Variants in CLECL1 observed in about 807,000 individuals in gnomAD.
The protein encoded by CLECL1 is C-type lectin like 1.
downstream of CLECL1, among the ~76,000 whole-genome samples, chr12:9,711,943 T>C (rs1308552554): frequency 6.6e-6 from 1 of 152,222 alleles, no homozygotes; most frequent in African/African-American, 2.4e-5. Flanking sequence ...CTTTACTTCA[T>C]GCAAGCTTCT....
downstream of CLECL1, among the ~76,000 whole-genome samples, chr12:9,715,126 A>G (rs190805538): frequency 1.3e-5 from 2 of 152,070 alleles, no homozygotes; most frequent in Admixed American, 6.6e-5. Context: ...GATCTTTTTT[A>G]TCTTCTTTCT....
the CLECL1 span, among the ~76,000 whole-genome samples, chr12:9,710,340 A>G: frequency 1.3e-5 from 2 of 152,314 alleles, no homozygotes; most frequent in South Asian, 4.1e-4. Context: ...AGCATCCGAC[A>G]GCAGTTTACC....
intron 3 of CLECL1, among the ~76,000 whole-genome samples, chr12:9,723,188 A>G (rs987138800): frequency 2.6e-5 from 4 of 152,222 alleles, no homozygotes; most frequent in African/African-American, 9.7e-5. Flanking sequence ...CACATCAGAA[A>G]TGTTGGGAGT....
chr12:9,711,124 A>G (rs925375290), downstream of CLECL1, among the ~76,000 whole-genome samples: 7 of 152,072 alleles, frequency 4.6e-5, no homozygotes, highest in Middle Eastern at 3.2e-3. Flanking sequence ...ACCCCTAGAC[A>G]TTGCTGTGGG....
downstream of CLECL1, among the ~76,000 whole-genome samples, chr12:9,722,200 A>C (rs1866321662): frequency 6.6e-6 from 1 of 152,254 alleles, no homozygotes; most frequent in Non-Finnish European, 1.5e-5. Context: ...AAATTAAGGC[A>C]GAGTTAGCTA....
chr12:9,724,673 C>T (rs932774733), intron 3 of CLECL1, among the ~76,000 whole-genome samples: 4 of 152,078 alleles, frequency 2.6e-5, no homozygotes, highest in African/African-American at 9.7e-5. Context: ...GGATAATTTT[C>T]AGATCCTCAA....
chr12:9,726,796 G>A (rs549777485), intron 3 of CLECL1, among the ~76,000 whole-genome samples: 57 of 151,816 alleles, frequency 3.8e-4, no homozygotes, highest in Non-Finnish European at 6.9e-4. Context: ...CAGGTATAAG[G>A]ATTACAAGAA....
intron 3 of CLECL1, among the ~76,000 whole-genome samples, chr12:9,724,792 A>T (rs1020855446): frequency 1.3e-5 from 2 of 152,140 alleles, no homozygotes; most frequent in Non-Finnish European, 2.9e-5. Context: ...AATAATTGAA[A>T]TTTTTTCCAA....
chr12:9,732,051 G>C (rs1259950247), intron 1 of CLECL1, among the ~76,000 whole-genome samples: 2 of 152,148 alleles, frequency 1.3e-5, no homozygotes, highest in East Asian at 3.8e-4. Context: ...GGGTAAAATA[G>C]AGAGGTAAGG....
chr12:9,703,883 C>T, the CLECL1 span, among the ~76,000 whole-genome samples: 5 of 151,944 alleles, frequency 3.3e-5, no homozygotes, highest in African/African-American at 4.8e-5. Flanking sequence ...ATTTTATTGA[C>T]TTGCGTATTC....
At chr12:9,722,860 C>G in intron 3 of CLECL1, 47 bp from the exon 2 acceptor site, 1 of 1,405,240 alleles carries the variant, frequency 7.1e-7, no homozygotes, top group Non-Finnish European at 9.8e-7. Context: ...AAAACTGTAT[C>G]CTAATAATGT....
At chr12:9,716,641 A>C in exon 3 of CLECL1, 1 of 386,688 alleles carries the variant, frequency 2.6e-6, no homozygotes, top group Non-Finnish European at 3.9e-6. Context: ...ATATCAAACA[A>C]GAGCTTTGTT....
intron 3 of CLECL1, among the ~76,000 whole-genome samples, chr12:9,726,685 TAGGAG>T (rs1480436018): frequency 1.3e-5 from 2 of 151,960 alleles, no homozygotes; most frequent in Non-Finnish European, 2.9e-5. Flanking sequence ...AGTAGAACCT[TAGGAG>T]AGGTAACTTA....
At chr12:9,718,897 T>C (rs1463100892), downstream of CLECL1, 1 of 585,342 alleles carries the variant, frequency 1.7e-6, no homozygotes, top group Non-Finnish European at 3.0e-6. Context: ...TCTGTGATAC[T>C]TTATTGAAAC....
the CLECL1 span, among the ~76,000 whole-genome samples, chr12:9,704,932 T>C: frequency 9.3e-3 from 1,415 of 152,330 alleles, 16 homozygotes; most frequent in African/African-American, 0.029. Context: ...CGCCCAGTAA[T>C]TGGATTGCTG....
chr12:9,724,549 A>C (rs1328811379), intron 3 of CLECL1, among the ~76,000 whole-genome samples: 1 of 152,226 alleles, frequency 6.6e-6, no homozygotes, highest in Non-Finnish European at 1.5e-5. Context: ...TTTAGAATTG[A>C]GAAATATAGT....
upstream of CLECL1, chr12:9,733,358 C>G: frequency 1.2e-6 from 1 of 810,012 alleles, no homozygotes; most frequent in South Asian, 1.8e-5. Flanking sequence ...ACCATTTTCT[C>G]CTATAGACCA....
chr12:9,705,091 A>C, the CLECL1 span, among the ~76,000 whole-genome samples: 1 of 152,086 alleles, frequency 6.6e-6, no homozygotes, highest in Non-Finnish European at 1.5e-5. Context: ...TTGACTTTTT[A>C]ATAATAGCCA....
chr12:9,708,258 T>G, the CLECL1 span, among the ~76,000 whole-genome samples: 3 of 152,194 alleles, frequency 2.0e-5, no homozygotes, highest in Non-Finnish European at 4.4e-5. Context: ...GGTTCTTCCC[T>G]CAGAATCTCT....
Sources: allele counts gnomAD v4.1 joint callset (sites outside exome capture counted in the v4.1 genomes callset), GRCh38; gene constraint gnomAD v4.1.1; transcripts MANE v1.5; gene names NCBI Gene and HGNC (gene_info 2026-07-23, HGNC 2026-07-21).